Variants in NFS1 observed in about 807,000 individuals in gnomAD.
The protein encoded by NFS1 is cysteine desulfurase.
Under a neutral mutation model 57.3 loss-of-function variants are expected in NFS1, and 26 were observed. That is an observed-to-expected ratio of 0.45 (90% CI 0.33 to 0.63). The LOEUF is 0.63. NFS1 is among the 20% of genes least tolerant of loss of function. The pLI is 0.02. For synonymous variants in NFS1, 209 were observed against 216.3 expected (o/e 0.97, Z 0.30); for missense variants, 505 against 605.8 (o/e 0.83, Z 1.75).
chr20:35,698,984 G>C (rs2035194081), intron 1 of NFS1: 1 of 1,326,764 alleles, frequency 7.5e-7, no homozygotes, highest in African/African-American at 1.5e-5. Flanking sequence ...CCACGGCTCT[G>C]GGGGCCTGTC....
chr20:35,682,800 C>G (rs1273176291), intron 5 of NFS1: 1 of 151,656 alleles, frequency 6.6e-6, no homozygotes, highest in Non-Finnish European at 1.5e-5. Flanking sequence ...AAAGAAAGGC[C>G]AGGTATGGTG....
intron 12 of NFS1, among the ~76,000 whole-genome samples, chr20:35,670,053 TA>T (rs1322810852): frequency 6.6e-6 from 1 of 152,260 alleles, no homozygotes; most frequent in Non-Finnish European, 1.5e-5. Flanking sequence ...GAGACTTGTA[TA>T]AACATCTAGT....
chr20:35,697,473 G>A (rs1204491136), intron 3 of NFS1, among the ~76,000 whole-genome samples: 2 of 152,152 alleles, frequency 1.3e-5, no homozygotes, highest in African/African-American at 4.8e-5. Context: ...AAGGCTCAAA[G>A]AAATTAGATA....
chr20:35,696,490 A>T, intron 3 of NFS1, 30 bp from the exon 4 acceptor site: 2 of 1,559,146 alleles, frequency 1.3e-6, no homozygotes, highest in African/African-American at 2.7e-5. Context: ...GATATATAAC[A>T]TCAGTTCCCC....
intron 5 of NFS1, among the ~76,000 whole-genome samples, chr20:35,683,673 T>G (rs2034888474): frequency 1.3e-5 from 2 of 148,794 alleles, no homozygotes; most frequent in Admixed American, 6.8e-5. Flanking sequence ...CCCAAGCTAC[T>G]AGGGAGGCTG....
intron 5 of NFS1, among the ~76,000 whole-genome samples, chr20:35,684,687 T>C (rs901285733): frequency 1.3e-5 from 2 of 150,278 alleles, no homozygotes; most frequent in Admixed American, 6.6e-5. Context: ...GTGGCAGAGG[T>C]TGCAATGAGC....
chr20:35,679,771 A>G (rs560795775), intron 7 of NFS1, among the ~76,000 whole-genome samples: 2 of 152,158 alleles, frequency 1.3e-5, no homozygotes, highest in Non-Finnish European at 2.9e-5. Flanking sequence ...CCCTGCAGAC[A>G]TAAAAAGGGT....
chr20:35,669,381 C>T lies in NFS1; in HGVS notation c.*241G>A, dbSNP rs563349356. 2.1e-5 allele frequency: 9 copies of T among 438,908 alleles called. No homozygotes were observed. Among genetic ancestry groups the T allele is most frequent in the Admixed American group, 1.8e-4 (5 of 27,600 alleles). 27.2% of individuals were successfully genotyped at this position (438,908 alleles called of 1,614,324 possible). A position where few individuals can be genotyped will look rare whatever the true frequency, so the allele number is the denominator to read the frequency against. On this transcript the variant is annotated 3_prime_UTR_variant, in exon 13 of 13. Coordinates refer to ENST00000374092, the MANE Select transcript of NFS1 (RefSeq NM_021100.5). ...ATGACAGCAAATGTCTCTATGGCTT[C>T]GGGATGAAAATGTCCACACACTTTA...
At chr20:35,670,967 T>C (rs2034642963) in intron 12 of NFS1, among the ~76,000 whole-genome samples, 1 of 151,858 alleles carries the variant, frequency 6.6e-6, no homozygotes, top group Non-Finnish European at 1.5e-5. Flanking sequence ...ATCCTGAAAG[T>C]CAAGGTTAAC....
intron 5 of NFS1, among the ~76,000 whole-genome samples, chr20:35,684,624 C>A (rs1480516776): frequency 2.0e-5 from 3 of 150,030 alleles, no homozygotes; most frequent in African/African-American, 7.4e-5. Flanking sequence ...GTGGCAGACA[C>A]CTGTAATCCA....
At chr20:35,672,702 G>A in intron 12 of NFS1, 53 bp downstream of exon 12, 2 of 1,243,356 alleles carry the variant, frequency 1.6e-6, no homozygotes, top group Non-Finnish European at 2.4e-6. Context: ...AAGGACAAGA[G>A]GGGAGACAGT....
In NFS1 at chr20:35,699,177, G is replaced by A; in HGVS notation, c.97+15C>T. On this transcript the variant is annotated intron_variant, in intron 1 of 12. Coordinates refer to ENST00000374092, the MANE Select transcript of NFS1 (RefSeq NM_021100.5). The surrounding 1 kb of genome is among the most constrained non-coding windows in gnomAD (Gnocchi z 4.4). ...GACAGGTCCGCGCCTCCCGGAGAGCGGGACCCGAGCGTACCGCGCAGGCGC... is the reference window on the plus strand; with the variant it reads ...GACAGGTCCGCGCCTCCCGGAGAGCAGGACCCGAGCGTACCGCGCAGGCGC... 2.2e-6 allele frequency: 3 copies of A among 1,392,096 alleles called. No individual in the cohort carries two copies. Among genetic ancestry groups the A allele is most frequent in the South Asian group, 3.2e-5 (2 of 62,248 alleles). The allele number at this position is 1,392,096 out of a possible 1,614,324, so 86.2% of individuals were successfully genotyped here.
Position 35,699,270 on chromosome 20 carries a change from A to G in NFS1, c.19T>C (p.Trp7Arg). MLLRAAWRRAAVAVTAA... is the reference protein window; with the variant it reads MLLRAARRRAAVAVTAA... ...GTCACCGCCACTGCCGCCCGCCTCCAAGCGGCTCGGAGCAGCATGGTCCCG... is the reference window on the plus strand; with the variant it reads ...GTCACCGCCACTGCCGCCCGCCTCCGAGCGGCTCGGAGCAGCATGGTCCCG... The change falls in exon 1 of 13, where the codon TGG (tryptophan) becomes CGG (arginine). Residue 7 changes from tryptophan to arginine, a missense_variant. By Grantham distance (101) the Trp-to-Arg change is moderately radical. Coordinates refer to ENST00000374092, the MANE Select transcript of NFS1 (RefSeq NM_021100.5). The surrounding 1 kb of genome is among the most constrained non-coding windows in gnomAD (Gnocchi z 4.4). 2 of 1,419,736 alleles carry G rather than the reference A, an allele frequency of 1.4e-6. No individual in the cohort carries two copies. Among genetic ancestry groups the G allele is most frequent in the East Asian group, 2.9e-5 (1 of 34,024 alleles). The allele number at this position is 1,419,736 out of a possible 1,614,324, so 87.9% of individuals were successfully genotyped here. A position where few individuals can be genotyped will look rare whatever the true frequency, so the allele number is the denominator to read the frequency against.
rs781743128 is a variant in NFS1, at chr20:35,675,246, T to C, written c.791-44A>G. 5.2e-6 allele frequency: 8 copies of C among 1,524,204 alleles called. No homozygotes were observed. The South Asian group carries it at 8.5e-5, about 16-fold the overall frequency. 94.4% of individuals were successfully genotyped at this position (1,524,204 alleles called of 1,614,324 possible). ...TACAAAAAACAGAAAGAGAGAAAAG[T>C]AGATAAAACAAAATATTTCTTTCCA... is the stretch of plus-strand genomic sequence containing the variant. On this transcript the variant is annotated intron_variant, in intron 7 of 12. Transcript: ENST00000374092.
chr20:35,680,770 T>C lies in NFS1; in HGVS notation c.757A>G (p.Ser253Gly), dbSNP rs2034834560. ...CCGTAGATTTTGTGACCACTAATGC[T>C]CATGAGATCAATTTTCATGTCATTG... ...DVNDMKIDLM[S>G]ISGHKIYGPK... is the part of the protein sequence containing the mutation. Residue 253 changes from serine to glycine, a missense_variant, in exon 7 of 13, where the codon AGC becomes GGC. Coordinates refer to ENST00000374092, the MANE Select transcript of NFS1 (RefSeq NM_021100.5). 1 of 1,570,264 alleles carries C rather than the reference T, an allele frequency of 6.4e-7. No individual in the cohort carries two copies. The highest frequency in any genetic ancestry group is 8.6e-7 in the Non-Finnish European group (1 of 1,159,520).
At chr20:35,685,389 G>A (rs1455689592) in intron 5 of NFS1, among the ~76,000 whole-genome samples, 1 of 151,366 alleles carries the variant, frequency 6.6e-6, no homozygotes, top group Non-Finnish European at 1.5e-5. Flanking sequence ...AGGTGTGGTG[G>A]CACACATCTC....
intron 12 of NFS1, 122 bp downstream of exon 12, chr20:35,672,633 T>A: frequency 1.4e-6 from 1 of 708,698 alleles, no homozygotes. Flanking sequence ...GTGGAATCTC[T>A]AAATCCTAAG....
chr20:35,696,327 T>A (rs375740067), intron 4 of NFS1, 50 bp downstream of exon 4: 5 of 1,231,542 alleles, frequency 4.1e-6, no homozygotes, highest in Non-Finnish European at 6.0e-6. Flanking sequence ...AGGGACACTA[T>A]CTCCTAGGTC....
intron 5 of NFS1, among the ~76,000 whole-genome samples, chr20:35,687,223 G>C (rs1160643875): frequency 6.6e-6 from 1 of 152,172 alleles, no homozygotes; most frequent in Admixed American, 6.6e-5. Context: ...CTGACATCAG[G>C]CCTGCCCGCA....
Sources: allele counts gnomAD v4.1 joint callset (sites outside exome capture counted in the v4.1 genomes callset), GRCh38; gene constraint gnomAD v4.1.1; non-coding constraint Gnocchi (gnomAD v3.1); transcripts MANE v1.5; gene names NCBI Gene and HGNC (gene_info 2026-07-23, HGNC 2026-07-21).